Variants in DMAC2L observed in about 807,000 individuals in gnomAD.
DMAC2L encodes the protein distal membrane arm assembly component 2 like.
A neutral mutation model predicts 22.5 loss-of-function variants in DMAC2L; 21 were observed. That is an observed-to-expected ratio of 0.93 (90% CI 0.66 to 1.34). The LOEUF is 1.34. Ranked by LOEUF, DMAC2L falls within the 40% of genes most tolerant of loss-of-function variation. DMAC2L has a pLI of 0.00. For missense variants in DMAC2L, 239 were observed against 246.5 expected, an observed-to-expected ratio of 0.97 and a Z score of 0.20; for synonymous variants, 86 against 89.5, an observed-to-expected ratio of 0.96 and a Z score of 0.22.
At chr14:50,325,020 C>T (rs1489086432) in intron 5 of DMAC2L, among the ~76,000 whole-genome samples, 3 of 152,184 alleles carry the variant, frequency 2.0e-5, no homozygotes, top group African/African-American at 4.8e-5. Context: ...ATGATCCGCC[C>T]GCCTCGGCCT....
In DMAC2L at chr14:50,322,636, CA is replaced by C. The variant is rs1447161437; in HGVS notation, c.235del (p.Thr79GlnfsTer20). On this transcript the variant is annotated frameshift_variant, in exon 4 of 6. Coordinates refer to ENST00000557421, the MANE Select transcript of DMAC2L (RefSeq NM_001382507.1). LOFTEE classifies it high-confidence loss of function. ...ERWQKDYNHLPTGPLDKYKIQ... is the reference protein window; with the variant it reads ...ERWQKDYNHLXTGPLDKYKIQ... ...TGGCAGAAGGACTACAACCACCTTC[CA>C]ACAGGCCCTCTGGACAAATACAAGA... is the stretch of plus-strand genomic sequence containing the variant. 2 of 1,614,180 alleles carry C rather than the reference CA, an allele frequency of 1.2e-6. No individual in the cohort carries two copies. The highest frequency in any genetic ancestry group is 1.6e-4 in the Middle Eastern group (1 of 6,062).
intron 1 of DMAC2L, among the ~76,000 whole-genome samples, chr14:50,314,241 G>C (rs1809801047): frequency 6.6e-6 from 1 of 152,226 alleles, no homozygotes; most frequent in South Asian, 2.1e-4. Context: ...TCTCCAGATA[G>C]TGAATGAGCC....
In DMAC2L at chr14:50,315,445, C is replaced by T. The variant is rs528647663; in HGVS notation, c.-6+819C>T. 1.8e-3 allele frequency among the ~76,000 whole-genome samples: 279 copies of T among 150,952 alleles called. 5 individuals carry two copies. Among genetic ancestry groups the T allele is most frequent in the Admixed American group, 0.016 (236 of 15,186 alleles). On this transcript the variant is annotated intron_variant, in intron 2 of 5. Transcript: ENST00000557421. ...TTGGGAGGCCAAGGCAGGTGGATCA[C>T]GAGGTCAGGAGATTGAGACCATCTT...
At chr14:50,312,739 C>A (rs1300622874) in intron 1 of DMAC2L, 2 of 431,548 alleles carry the variant, frequency 4.6e-6, no homozygotes, top group Non-Finnish European at 8.2e-6. Context: ...CCAGCCCAGT[C>A]GAGCGTCCAC....
intron 5 of DMAC2L, 40 bp from the exon 6 acceptor site, chr14:50,325,569 C>T (rs2139329203): frequency 1.3e-6 from 2 of 1,551,148 alleles, no homozygotes; most frequent in South Asian, 1.2e-5. Context: ...ATTTTTAATG[C>T]TCTTGGCCAA....
At chr14:50,315,662 CAAAAAAAAA>C (rs142527130) in intron 2 of DMAC2L, among the ~76,000 whole-genome samples, 2 of 81,556 alleles carry the variant, frequency 2.5e-5, no homozygotes, top group African/African-American at 4.7e-5. Flanking sequence ...TTCTGTTTCA[CAAAAAAAAA>C]AAAAAAAAAA....
intron 2 of DMAC2L, among the ~76,000 whole-genome samples, chr14:50,318,747 ATTTCAAAAGAC>A (rs2032024045): frequency 6.6e-6 from 1 of 152,022 alleles, no homozygotes; most frequent in South Asian, 2.1e-4. Flanking sequence ...ATTAAGACCC[ATTTCAAAAGAC>A]ACCTCTAGTG....
chr14:50,312,412 G>C (rs372391809), intron 1 of DMAC2L, 23 bp downstream of exon 1: 1 of 532,070 alleles, frequency 1.9e-6, no homozygotes, highest in Non-Finnish European at 3.4e-6. Flanking sequence ...GCTAGGCCCC[G>C]AGCCGGGCGG....
At chr14:50,314,375 C>T (rs1461538125) in intron 1 of DMAC2L, among the ~76,000 whole-genome samples, 1 of 152,168 alleles carries the variant, frequency 6.6e-6, no homozygotes, top group Admixed American at 6.5e-5. Context: ...TGAGGCCTCC[C>T]CAGCCATGTG....
chr14:50,319,935 C>A (rs994593347), intron 2 of DMAC2L, among the ~76,000 whole-genome samples: 1 of 152,164 alleles, frequency 6.6e-6, no homozygotes, highest in Non-Finnish European at 1.5e-5. Flanking sequence ...TATGTAATGT[C>A]ATTCCCATCC....
At position 50,314,585 on chromosome 14, in the gene DMAC2L, C is replaced by A. The variant is rs1323299430; in HGVS notation, c.-41-6C>A. 1.8e-5 allele frequency: 8 copies of A among 455,520 alleles called. No homozygotes were observed. Among genetic ancestry groups the A allele is most frequent in the Non-Finnish European group, 3.5e-5 (8 of 226,798 alleles). The allele number at this position is 455,520 out of a possible 1,614,324, so 28.2% of individuals were successfully genotyped here. Reference sequence around the variant, plus strand: ...CTTTTGTGTGAACCTGTTTTTGTTTCTCTAGGATAAGTGCCCAAGAGTACA... The same window carrying A: ...CTTTTGTGTGAACCTGTTTTTGTTTATCTAGGATAAGTGCCCAAGAGTACA... On this transcript the variant is annotated splice_polypyrimidine_tract_variant and splice_region_variant and intron_variant, in intron 1 of 5. Coordinates refer to ENST00000557421, the MANE Select transcript of DMAC2L (RefSeq NM_001382507.1).
intron 2 of DMAC2L, chr14:50,319,222 A>G (rs1566556670): frequency 2.6e-6 from 4 of 1,535,956 alleles, no homozygotes; most frequent in African/African-American, 2.7e-5. Context: ...AAAGTTGGAA[A>G]GGGTTGAGAA....
At chr14:50,317,937 G>A (rs1380793315) in intron 2 of DMAC2L, among the ~76,000 whole-genome samples, 2 of 152,106 alleles carry the variant, frequency 1.3e-5, no homozygotes, top group Non-Finnish European at 2.9e-5. Context: ...CCAATTTTGC[G>A]GAGGATTTTA....
At chr14:50,324,268 G>A (rs1209143692) in intron 5 of DMAC2L, 152 bp downstream of exon 5, 8 of 743,696 alleles carry the variant, frequency 1.1e-5, no homozygotes, top group Admixed American at 3.4e-5. Flanking sequence ...TTTTAAAACA[G>A]CTAAAATGAT....
Position 50,318,560 on chromosome 14 carries a change from C to T in DMAC2L, c.-5-2923C>T, listed in dbSNP as rs192330783. ...CCTTTCTCCATGGAAACATGTCAAC[C>T]GTTGAAGACTATTAATAAACAAATA... On this transcript the variant is annotated intron_variant, in intron 2 of 5. Coordinates refer to ENST00000557421, the MANE Select transcript of DMAC2L (RefSeq NM_001382507.1). Among the ~76,000 whole-genome samples, 62 of 152,252 alleles carry T rather than the reference C, an allele frequency of 4.1e-4. No homozygotes were observed. The East Asian group carries it at 0.011, about 27-fold the overall frequency.
rs142828913 is a variant in DMAC2L, at chr14:50,322,669, C to T, written c.266C>T (p.Ala89Val). ...CCTCTGGACAAATACAAGATTCAGGCGATCGACGCCACCGACTCTTGTATC... is the reference window on the plus strand; with the variant it reads ...CCTCTGGACAAATACAAGATTCAGGTGATCGACGCCACCGACTCTTGTATC... ...TGPLDKYKIQ[A>V]IDATDSCIMS... The change falls in exon 4 of 6, where the codon GCG becomes GTG. Residue 89 changes from alanine (A) to valine (V), a missense_variant. Physicochemically the swap from Ala to Val is moderately conservative, Grantham distance 64. Transcript: ENST00000557421. The T allele has an allele frequency of 6.1e-4, 987 of 1,614,088 alleles. 4 individuals are homozygous for T. In the African/African-American group the frequency reaches 0.011, roughly 19 times the overall value.
chr14:50,314,902 A>G (rs1275616953), intron 2 of DMAC2L, among the ~76,000 whole-genome samples: 1 of 152,104 alleles, frequency 6.6e-6, no homozygotes, highest in African/African-American at 2.4e-5. Flanking sequence ...TCAGCCTCCC[A>G]AAGTGCTGGG....
Position 50,326,643 on chromosome 14 carries a change from C to T in DMAC2L, c.*920C>T. The stretch of plus-strand genomic sequence containing the variant: ...AGCTTAGGCTACTATTTTATTAAAA[C>T]TGGACATAGATACTTGGCTGAATAC... On this transcript the variant is annotated 3_prime_UTR_variant, in exon 6 of 6. Coordinates refer to ENST00000557421, the MANE Select transcript of DMAC2L (RefSeq NM_001382507.1). 1 of 985,348 alleles carries T rather than the reference C, an allele frequency of 1.0e-6. No homozygotes were observed. 61.0% of individuals were successfully genotyped at this position (985,348 alleles called of 1,614,324 possible).
Position 50,325,812 on chromosome 14 carries a change from T to A in DMAC2L, c.*89T>A, listed in dbSNP as rs2032672412. 2.0e-6 allele frequency: 3 copies of A among 1,481,732 alleles called. No homozygotes were observed. Among genetic ancestry groups the A allele is most frequent in the Non-Finnish European group, 1.8e-6 (2 of 1,119,672 alleles). 91.8% of individuals were successfully genotyped at this position (1,481,732 alleles called of 1,614,324 possible). A position where few individuals can be genotyped will look rare whatever the true frequency, so the allele number is the denominator to read the frequency against. On this transcript the variant is annotated 3_prime_UTR_variant, in exon 6 of 6. Coordinates refer to ENST00000557421, the MANE Select transcript of DMAC2L (RefSeq NM_001382507.1). ...TATTATATAGTCATCAGTAGAATTATAAGGATGCCATATCATGACATTTTA... is the reference window on the plus strand; with the variant it reads ...TATTATATAGTCATCAGTAGAATTAAAAGGATGCCATATCATGACATTTTA...
Sources: gnomAD v4.1 joint callset for allele counts (sites outside exome capture counted in the v4.1 genomes callset) on GRCh38, gnomAD v4.1.1 for gene constraint, MANE v1.5 for transcripts, NCBI Gene and HGNC (gene_info 2026-07-23, HGNC 2026-07-21) for gene names.